The following BRPF3 variants were observed in gnomAD, a reference collection of about 807,000 sequenced individuals.
BRPF3 encodes bromodomain and PHD finger-containing protein 3.
A neutral mutation model predicts 102.0 loss-of-function variants in BRPF3; 18 were observed. The ratio of observed to expected loss-of-function variants is 0.18; its 90% CI spans 0.12 to 0.26. BRPF3 has a LOEUF of 0.26. Among genes scored for constraint, BRPF3 ranks in the 10% least tolerant of loss-of-function variants. The pLI is 1.00. For missense variants in BRPF3, 1,147 were observed against 1,567.8 expected, an observed-to-expected ratio of 0.73 and a Z score of 4.53; for synonymous variants, 570 against 614.2, an observed-to-expected ratio of 0.93 and a Z score of 1.06.
At position 36,210,136 on chromosome 6, in the gene BRPF3, G is replaced by A; in HGVS notation, c.1867-80G>A. On this transcript the variant is annotated intron_variant, in intron 5 of 12. Transcript: ENST00000357641. The surrounding 1 kb of genome is among the most constrained non-coding windows in gnomAD (Gnocchi z 4.7). ...TGGCATGGCCAAATCAGAAATTGAG[G>A]AGGCCAAGAGTATTGGTGAAGGGTG... 6.5e-7 allele frequency: 1 copy of A among 1,539,726 alleles called. No homozygotes were observed. The highest frequency in any genetic ancestry group is 1.1e-5 in the South Asian group (1 of 88,214).
chr6:36,215,909 T>G (rs1219825322), intron 8 of BRPF3, among the ~76,000 whole-genome samples: 1 of 152,200 alleles, frequency 6.6e-6, no homozygotes, highest in Non-Finnish European at 1.5e-5. Flanking sequence ...TTTGTGTCCC[T>G]CATGTACTTT....
At chr6:36,207,187 G>GCT in intron 3 of BRPF3, 126 bp from the exon 4 acceptor site, 1 of 1,242,266 alleles carries the variant, frequency 8.0e-7, no homozygotes. Context: ...GGGTGGAAGG[G>GCT]CTCTTGGAAC....
intron 8 of BRPF3, among the ~76,000 whole-genome samples, chr6:36,216,341 G>A (rs1768326875): frequency 6.6e-6 from 1 of 152,230 alleles, no homozygotes; most frequent in Admixed American, 6.5e-5. Flanking sequence ...AGATCCTGCT[G>A]TTGGGAAGTA....
At chr6:36,218,591 C>G (rs1340485920) in intron 9 of BRPF3, among the ~76,000 whole-genome samples, 1 of 151,712 alleles carries the variant, frequency 6.6e-6, no homozygotes, top group South Asian at 2.1e-4. Context: ...TCTTGAGTAG[C>G]TGGGAGTATA....
intron 7 of BRPF3, among the ~76,000 whole-genome samples, 197 bp downstream of exon 7, chr6:36,211,757 A>G (rs1768123912): frequency 1.3e-5 from 2 of 152,214 alleles, no homozygotes; most frequent in South Asian, 4.1e-4. Flanking sequence ...AGAGACTAAA[A>G]TTTATCCATC....
chr6:36,210,025 G>T lies in BRPF3; in HGVS notation c.1866+110G>T. On this transcript the variant is annotated intron_variant, in intron 5 of 12. Coordinates refer to ENST00000357641, the MANE Select transcript of BRPF3 (RefSeq NM_015695.3). The surrounding 1 kb of genome is among the most constrained non-coding windows in gnomAD (Gnocchi z 4.7). ...GGTGTACAAAACCAGGGGTAGGAGG[G>T]TGGGTCTGGCAAAGCTAGTAGACTT... The T allele has an allele frequency of 1.3e-6, 2 of 1,497,652 alleles. No individual in the cohort carries two copies. The highest frequency in any genetic ancestry group is 1.8e-6 in the Non-Finnish European group (2 of 1,100,054). 92.8% of individuals were successfully genotyped at this position (1,497,652 alleles called of 1,614,324 possible). A position where few individuals can be genotyped will look rare whatever the true frequency, so the allele number is the denominator to read the frequency against.
At chr6:36,222,551 T>TC (rs1768588566) in intron 10 of BRPF3, among the ~76,000 whole-genome samples, 1 of 152,070 alleles carries the variant, frequency 6.6e-6, no homozygotes. Context: ...CCCTGGAACA[T>TC]CAACTGCTAG....
At position 36,201,170 on chromosome 6, in the gene BRPF3, G is replaced by T; in HGVS notation, c.848G>T (p.Ser283Ile). 1.2e-6 allele frequency: 2 copies of T among 1,614,166 alleles called. No homozygotes were observed. The highest frequency in any genetic ancestry group is 2.2e-5 in the South Asian group (2 of 91,086). The change falls in exon 2 of 13, where the codon AGT becomes ATT. Residue 283 changes from serine to isoleucine, a missense_variant. Coordinates refer to ENST00000357641, the MANE Select transcript of BRPF3 (RefSeq NM_015695.3). The surrounding 1 kb of genome is among the most constrained non-coding windows in gnomAD (Gnocchi z 5.1). ...AAGGGTGGCGCCTTCAAACAGACCAGTGATGGGCACTGGGCCCATGTGGTG... is the reference window on the plus strand; with the variant it reads ...AAGGGTGGCGCCTTCAAACAGACCATTGATGGGCACTGGGCCCATGTGGTG... ...PNKGGAFKQTSDGHWAHVVCA... is the reference protein window; with the variant it reads ...PNKGGAFKQTIDGHWAHVVCA...
Position 36,200,947 on chromosome 6 carries a change from A to G in BRPF3, c.625A>G (p.Ile209Val). The change falls in exon 2 of 13, where the codon ATC becomes GTC. Residue 209 changes from isoleucine to valine, a missense_variant. Physicochemically the swap from Ile to Val is conservative, Grantham distance 29 (BLOSUM62 3). Coordinates refer to ENST00000357641, the MANE Select transcript of BRPF3 (RefSeq NM_015695.3). This position sits in a 1 kb window ranked among gnomAD's most constrained non-coding sequence, Gnocchi z 5.3. ...CAGCAGTGGGGCCCAACAGTCACTCATCGATGAAGACGCTTTCTGCTGTGT... is the reference window on the plus strand; with the variant it reads ...CAGCAGTGGGGCCCAACAGTCACTCGTCGATGAAGACGCTTTCTGCTGTGT... ...SRSSGAQQSL[I>V]DEDAFCCVCL... is the part of the protein sequence containing the mutation. 7.4e-6 allele frequency: 12 copies of G among 1,614,206 alleles called. No individual in the cohort carries two copies. The highest frequency in any genetic ancestry group is 1.0e-5 in the Non-Finnish European group (12 of 1,180,036).
Position 36,207,473 on chromosome 6 carries a change from C to T in BRPF3, c.1737+29C>T, listed in dbSNP as rs780467825. On this transcript the variant is annotated intron_variant, in intron 4 of 12. Coordinates refer to ENST00000357641, the MANE Select transcript of BRPF3 (RefSeq NM_015695.3). ...AGGAGGAGCCCCCAGCCCTAGGGCC[C>T]TAGTTCAAGGCCACTTTCTCCCACT... 8.1e-6 allele frequency: 13 copies of T among 1,610,414 alleles called. No individual in the cohort carries two copies. The East Asian group carries it at 2.9e-4, about 36-fold the overall frequency.
chr6:36,221,235 A>G (rs1383224849), intron 9 of BRPF3, among the ~76,000 whole-genome samples: 3 of 146,364 alleles, frequency 2.0e-5, no homozygotes, highest in Non-Finnish European at 3.0e-5. Context: ...TTTGTGTAAT[A>G]TACATTTTGC....
rs1369382328 is a variant in BRPF3 at position 36,231,984 on chromosome 6, T to C, written c.*1375T>C. The C allele has an allele frequency of 6.6e-6, 1 of 152,638 alleles. No homozygotes were observed. Among genetic ancestry groups the C allele is most frequent in the Non-Finnish European group, 1.5e-5 (1 of 68,042 alleles). The allele number at this position is 152,638 out of a possible 1,614,324, so 9.5% of individuals were successfully genotyped here. A position where few individuals can be genotyped will look rare whatever the true frequency, so the allele number is the denominator to read the frequency against. ...TAACCTGATATTCTTTTTAATTGTT[T>C]TAAATTTTTCATAGGGGAGTTTTGG... On this transcript the variant is annotated 3_prime_UTR_variant, in exon 13 of 13. Transcript: ENST00000357641.
intron 9 of BRPF3, among the ~76,000 whole-genome samples, chr6:36,218,595 G>C (rs891464824): frequency 9.2e-5 from 14 of 152,028 alleles, no homozygotes; most frequent in African/African-American, 3.4e-4. Flanking sequence ...GAGTAGCTGG[G>C]AGTATAGGCA....
chr6:36,212,523 G>A (rs547268435), intron 7 of BRPF3, among the ~76,000 whole-genome samples: 1 of 150,568 alleles, frequency 6.6e-6, no homozygotes, highest in African/African-American at 2.5e-5. Context: ...CCTACTTCTG[G>A]GGCTGTGGCA....
Position 36,201,901 on chromosome 6 carries a change from G to C in BRPF3, c.1448+131G>C, listed in dbSNP as rs1383841843. 7.4e-7 allele frequency: 1 copy of C among 1,354,824 alleles called. No individual in the cohort carries two copies. Among genetic ancestry groups the C allele is most frequent in the Non-Finnish European group, 9.9e-7 (1 of 1,011,148 alleles). 83.9% of individuals were successfully genotyped at this position (1,354,824 alleles called of 1,614,324 possible). On this transcript the variant is annotated intron_variant, in intron 2 of 12. Coordinates refer to ENST00000357641, the MANE Select transcript of BRPF3 (RefSeq NM_015695.3). The surrounding 1 kb of genome is among the most constrained non-coding windows in gnomAD (Gnocchi z 5.1). ...TCCCCGAATTTAAACTCTTCCTTTT[G>C]ACCCCAGGCTCACCTGGCCTGGTTT...
rs913103600 is a variant in BRPF3, at chr6:36,212,777, C to T, written c.2483-1103C>T. Among the ~76,000 whole-genome samples the T allele has an allele frequency of 6.6e-5, 10 of 151,630 alleles. No homozygotes were observed. The South Asian group carries it at 1.0e-3, about 16-fold the overall frequency. ...GACCATCCTGGCTAACAAGGTGAAA[C>T]CCCGTCTCTACTAAAAATACAAAAA... On this transcript the variant is annotated intron_variant, in intron 7 of 12. Transcript: ENST00000357641.
At position 36,228,910 on chromosome 6, in the gene BRPF3, T is replaced by A; in HGVS notation, c.3288T>A (p.Asp1096Glu). 6.2e-7 allele frequency: 1 copy of A among 1,614,012 alleles called. No homozygotes were observed. The highest frequency in any genetic ancestry group is 8.5e-7 in the Non-Finnish European group (1 of 1,179,960). ...GYPSYPALII[D>E]PKMPREGLLH... ...TTCTATTCTGCCTCCAGATCATCGA[T>A]CCCAAGATGCCCCGGGAGGGCCTCC... Residue 1096 changes from aspartate (D) to glutamate (E), a missense_variant, in exon 12 of 13, where the codon GAT becomes GAA. Physicochemically the swap from Asp to Glu is conservative, Grantham distance 45. This residue lies in a region of BRPF3 where 85 missense variants were observed against 172.9 expected (regional missense o/e 0.49). Coordinates refer to ENST00000357641, the MANE Select transcript of BRPF3 (RefSeq NM_015695.3).
At position 36,200,270 on chromosome 6, in the gene BRPF3, C is replaced by T; in HGVS notation, c.-26-27C>T. ...AATGGGTGCATAAGGGCATCCAACT[C>T]ATAGTCTCCTGGCCTTCTCTCCTTA... On this transcript the variant is annotated intron_variant, in intron 1 of 12. Transcript: ENST00000357641. This position sits in a 1 kb window ranked among gnomAD's most constrained non-coding sequence, Gnocchi z 5.3. 2 of 1,548,604 alleles carry T rather than the reference C, an allele frequency of 1.3e-6. No individual in the cohort carries two copies. The highest frequency in any genetic ancestry group is 2.3e-5 in the East Asian group (1 of 44,164).
chr6:36,213,856 G>A, intron 7 of BRPF3, 24 bp from the exon 8 acceptor site: 1 of 1,563,464 alleles, frequency 6.4e-7, no homozygotes, highest in East Asian at 2.2e-5. Context: ...AAATGTTCAA[G>A]CAGATTCTCT....
Sources: allele counts gnomAD v4.1 joint callset (sites outside exome capture counted in the v4.1 genomes callset), GRCh38; gene constraint gnomAD v4.1.1; regional missense constraint gnomAD v4.1.1; non-coding constraint Gnocchi (gnomAD v3.1); transcripts MANE v1.5; gene names NCBI Gene and HGNC (gene_info 2026-07-23, HGNC 2026-07-21).